The following CEACAM1 variants were observed in gnomAD, a reference collection of about 807,000 sequenced individuals.
CEACAM1 encodes cell adhesion molecule CEACAM1.
In CEACAM1, 31 loss-of-function variants were observed where a neutral mutation model predicts 49.1. The observed-to-expected ratio is 0.63, with a 90% CI of 0.47 to 0.85. CEACAM1 has a LOEUF of 0.85. Ranked by LOEUF, CEACAM1 falls within the 40% of genes least tolerant of loss-of-function variation. The probability of loss-of-function intolerance (pLI) is 0.00; values close to 1 mark genes in which losing one functional copy is unlikely to be tolerated. For missense variants in CEACAM1, 570 were observed against 645.3 expected, an observed-to-expected ratio of 0.88 and a Z score of 1.26; for synonymous variants, 244 against 247.8, an observed-to-expected ratio of 0.98 and a Z score of 0.14.
At position 42,528,400 on chromosome 19, in the gene CEACAM1, A is replaced by C; in HGVS notation, c.-26T>G. On this transcript the variant is annotated 5_prime_UTR_variant, in exon 1 of 9. Coordinates refer to ENST00000161559, the MANE Select transcript of CEACAM1 (RefSeq NM_001712.5). ...GGTGTCTCCTGCTGGCCCTGTCTTCACCTGTGGAGGAGAGCTTGGGCTCCA... is the reference window on the plus strand; with the variant it reads ...GGTGTCTCCTGCTGGCCCTGTCTTCCCCTGTGGAGGAGAGCTTGGGCTCCA... 4.3e-6 allele frequency: 7 copies of C among 1,612,464 alleles called. No homozygotes were observed. The highest frequency in any genetic ancestry group is 5.9e-6 in the Non-Finnish European group (7 of 1,178,844).
At chr19:42,514,603 C>T (rs1320964482) in intron 5 of CEACAM1, among the ~76,000 whole-genome samples, 1 of 152,154 alleles carries the variant, frequency 6.6e-6, no homozygotes, top group Non-Finnish European at 1.5e-5. Flanking sequence ...TCTGTTGCAA[C>T]TATTTGGGGC....
chr19:42,519,570 CTTTT>C (rs34440555), intron 4 of CEACAM1: 37 of 168,566 alleles, frequency 2.2e-4, no homozygotes, highest in Middle Eastern at 2.9e-3. Context: ...TTCCCACTGA[CTTTT>C]TTTTTTTTTT....
chr19:42,515,369 C>G (rs909003271), intron 5 of CEACAM1, among the ~76,000 whole-genome samples: 1 of 152,050 alleles, frequency 6.6e-6, no homozygotes, highest in South Asian at 2.1e-4. Context: ...GAATCTTGTG[C>G]AAGAAAGAAA....
At chr19:42,511,753 G>T in intron 6 of CEACAM1, 125 bp from the exon 7 acceptor site, 2 of 825,884 alleles carry the variant, frequency 2.4e-6, no homozygotes, top group Admixed American at 2.1e-5. Context: ...CCTTTCTTCT[G>T]AGGGCCTCGT....
At chr19:42,526,485 A>C (rs2041894210) in intron 2 of CEACAM1, among the ~76,000 whole-genome samples, 1 of 152,122 alleles carries the variant, frequency 6.6e-6, no homozygotes, top group African/African-American at 2.4e-5. Context: ...TCCTTGCCCA[A>C]ATGAGGCTCT....
rs1266944932 is a variant in CEACAM1, at chr19:42,507,341, T to C, written c.*1768A>G. ...ATATATTATTTTTATTATAAAAACA[T>C]AGAATAATTTTCATACATAATTCAG... On this transcript the variant is annotated 3_prime_UTR_variant, in exon 9 of 9. Coordinates refer to ENST00000161559, the MANE Select transcript of CEACAM1 (RefSeq NM_001712.5). The C allele has an allele frequency of 6.6e-6, 1 of 152,108 alleles. No homozygotes were observed. The highest frequency in any genetic ancestry group is 6.5e-5 in the Admixed American group (1 of 15,268). The allele number at this position is 152,108 out of a possible 1,614,324, so 9.4% of individuals were successfully genotyped here.
chr19:42,515,000 G>T, intron 5 of CEACAM1: 1 of 666,010 alleles, frequency 1.5e-6, no homozygotes, highest in South Asian at 1.6e-5. Flanking sequence ...GCCAGGCGTG[G>T]TGGCTCACAC....
At chr19:42,528,034 G>A (rs990114841) in intron 1 of CEACAM1, among the ~76,000 whole-genome samples, 5 of 152,120 alleles carry the variant, frequency 3.3e-5, no homozygotes, top group East Asian at 1.9e-4. Context: ...TAATTGTCAC[G>A]CTGACTTAAA....
chr19:42,517,968 G>C (rs2041639693), intron 5 of CEACAM1, among the ~76,000 whole-genome samples: 1 of 152,004 alleles, frequency 6.6e-6, no homozygotes, highest in Admixed American at 6.5e-5. Context: ...AAAATGTGAT[G>C]TATCTATCTA....
Position 42,509,211 on chromosome 19 carries a change from ATAAG to A in CEACAM1, c.1475_1478del (p.Thr492IlefsTer4). On this transcript the variant is annotated frameshift_variant, in exon 9 of 9. Transcript: ENST00000161559. LOFTEE classifies it low-confidence loss of function (END_TRUNC). The stretch of plus-strand genomic sequence containing the variant: ...GCTGGGCTTCAAAGTTCAGGGTAGA[ATAAG>A]TAACTTCATTCATCTGAAAAGCACA... The A allele has an allele frequency of 6.2e-7, 1 of 1,611,896 alleles. No individual in the cohort carries two copies. The highest frequency in any genetic ancestry group is 1.1e-5 in the South Asian group (1 of 90,772).
At chr19:42,511,233 A>T (rs2041448898) in intron 7 of CEACAM1, 1 of 568,290 alleles carries the variant, frequency 1.8e-6, no homozygotes, top group Non-Finnish European at 3.1e-6. Flanking sequence ...CACCCACAGC[A>T]CCCACAAGAT....
chr19:42,521,896 G>A (rs2041758998), intron 3 of CEACAM1, 28 bp downstream of exon 3: 2 of 1,614,148 alleles, frequency 1.2e-6, no homozygotes, highest in Non-Finnish European at 1.7e-6. Context: ...CTGGCAGCCT[G>A]GGCCACAGAG....
rs760273342 is a variant in CEACAM1, at chr19:42,522,040, C to A, written c.587G>T (p.Gly196Val). The A allele has an allele frequency of 1.9e-6, 3 of 1,614,162 alleles. No homozygotes were observed. The highest frequency in any genetic ancestry group is 2.5e-6 in the Non-Finnish European group (3 of 1,180,026). Residue 196 changes from glycine to valine, a missense_variant, in exon 3 of 9, where the codon GGC becomes GTC. Physicochemically the swap from Gly to Val is moderately radical, Grantham distance 109. Coordinates refer to ENST00000161559, the MANE Select transcript of CEACAM1 (RefSeq NM_001712.5). ...ACTGAGTAGAGTGAGGGTCCTGTTG[C>A]CATTGGACAGCTGCAGCCTGGGACT... ...PVSPRLQLSNGNRTLTLLSVT... is the reference protein window; with the variant it reads ...PVSPRLQLSNVNRTLTLLSVT...
At chr19:42,510,364 G>A (rs1005586625) in intron 8 of CEACAM1, among the ~76,000 whole-genome samples, 6 of 152,338 alleles carry the variant, frequency 3.9e-5, no homozygotes, top group Admixed American at 6.5e-5. Flanking sequence ...GGGATTACAG[G>A]CATGAGCCAC....
At chr19:42,512,234 A>G in intron 6 of CEACAM1, 116 bp downstream of exon 6, 1 of 1,178,514 alleles carries the variant, frequency 8.5e-7, no homozygotes, top group South Asian at 1.4e-5. Context: ...GAGAAGCAGG[A>G]GTTTAGTGGG....
chr19:42,527,831 T>C, intron 1 of CEACAM1: 1 of 196,530 alleles, frequency 5.1e-6, no homozygotes, highest in Non-Finnish European at 1.0e-5. Flanking sequence ...TCCCCACCCA[T>C]GAGAGCGTGA....
intron 7 of CEACAM1, 165 bp downstream of exon 7, chr19:42,511,411 C>G: frequency 3.1e-6 from 2 of 649,130 alleles, no homozygotes; most frequent in South Asian, 3.7e-5. Flanking sequence ...ACTCCTGTGG[C>G]TAGGAAGGGT....
At position 42,516,882 on chromosome 19, in the gene CEACAM1, AAAAAC is replaced by A. The variant is rs200364764; in HGVS notation, c.1246+2061_1246+2065del. ...ACGCCATCTCTACAAAGAAAAGCAA[AAAAAC>A]AAAACAAAACAAAAAAACCCAAACA... On this transcript the variant is annotated intron_variant, in intron 5 of 8. Coordinates refer to ENST00000161559, the MANE Select transcript of CEACAM1 (RefSeq NM_001712.5). 43 of 424,394 alleles carry A rather than the reference AAAAAC, an allele frequency of 1.0e-4. No homozygotes were observed. In the East Asian group the frequency reaches 3.1e-3, roughly 31 times the overall value. 26.3% of individuals were successfully genotyped at this position (424,394 alleles called of 1,614,324 possible). A position where few individuals can be genotyped will look rare whatever the true frequency, so the allele number is the denominator to read the frequency against.
rs543289984 is a variant in CEACAM1, at chr19:42,507,753, G to A, written c.*1356C>T. 6.6e-6 allele frequency: 1 copy of A among 152,396 alleles called. No individual in the cohort carries two copies. The highest frequency in any genetic ancestry group is 2.1e-4 in the South Asian group (1 of 4,830). 9.4% of individuals were successfully genotyped at this position (152,396 alleles called of 1,614,324 possible). ...CCTCACAGCCCCATTTCCCCAAGGG[G>A]CATTAGCACCAGTGCAGCTTTCTAG... On this transcript the variant is annotated 3_prime_UTR_variant, in exon 9 of 9. Transcript: ENST00000161559.
Sources: allele counts gnomAD v4.1 joint callset (sites outside exome capture counted in the v4.1 genomes callset), GRCh38; gene constraint gnomAD v4.1.1; transcripts MANE v1.5; gene names NCBI Gene and HGNC (gene_info 2026-07-23, HGNC 2026-07-21).